The following MBD5 variants were observed in gnomAD, a reference collection of about 807,000 sequenced individuals.
The protein encoded by MBD5 is methyl-CpG-binding domain protein 5.
A neutral mutation model predicts 117.3 loss-of-function variants in MBD5; 13 were observed. The observed-to-expected ratio is 0.11, with a 90% confidence interval of 0.07 to 0.18. The LOEUF (loss-of-function observed/expected upper bound fraction) is 0.18, where lower values mean the gene tolerates loss of function less well. Ranked by LOEUF, MBD5 falls within the 10% of genes least tolerant of loss-of-function variation. The probability of loss-of-function intolerance (pLI) is 1.00; values close to 1 mark genes in which losing one functional copy is unlikely to be tolerated. For missense variants in MBD5, 1,879 were observed against 2,093.8 expected (o/e 0.90, Z 2.00); for synonymous variants, 727 against 766.4 (o/e 0.95, Z 0.85).
rs78934481 is a variant in MBD5, at chr2:148,057,105, A to C, written c.-925+35421A>C. 4.8e-3 allele frequency among the ~76,000 whole-genome samples: 735 copies of C among 151,878 alleles called. 5 individuals are homozygous for C. Among genetic ancestry groups the C allele is most frequent in the Non-Finnish European group, 8.2e-3 (559 of 67,786 alleles). Reference sequence around the variant, plus strand: ...TTTATTTATGCTTCTCTTGTTCTCGAATAACCCTGTAATAAGATTAGCAAT... The same window carrying C: ...TTTATTTATGCTTCTCTTGTTCTCGCATAACCCTGTAATAAGATTAGCAAT... On this transcript the variant is annotated intron_variant, in intron 1 of 13. Transcript: ENST00000642680.
At chr2:148,139,779 C>G (rs561821283) in intron 1 of MBD5, among the ~76,000 whole-genome samples, 7 of 152,142 alleles carry the variant, frequency 4.6e-5, no homozygotes, top group African/African-American at 1.4e-4. Flanking sequence ...CAGATGTACA[C>G]GTACTGGTGC....
At position 148,149,864 on chromosome 2, in the gene MBD5, C is replaced by T. The variant is rs1224428681; in HGVS notation, c.-924-28836C>T. ...AGCCCTTTGTCAGATGAGTAGGTTG[C>T]GAAAATTTTCTCCCATTTTGTAGGT... On this transcript the variant is annotated intron_variant, in intron 1 of 13. Coordinates refer to ENST00000642680, the MANE Select transcript of MBD5 (RefSeq NM_001378120.1). 4.3e-3 allele frequency among the ~76,000 whole-genome samples: 642 copies of T among 148,282 alleles called. 3 individuals are homozygous for T. Among genetic ancestry groups the T allele is most frequent in the African/African-American group, 0.015 (584 of 40,034 alleles).
intron 10 of MBD5, 136 bp downstream of exon 10, chr2:148,486,086 T>A: frequency 1.2e-6 from 1 of 818,512 alleles, no homozygotes; most frequent in South Asian, 1.5e-5. Context: ...CAGTCATGAG[T>A]ATTGTTAAAC....
intron 3 of MBD5, among the ~76,000 whole-genome samples, chr2:148,236,997 C>T (rs760827802): frequency 6.6e-6 from 1 of 152,204 alleles, no homozygotes; most frequent in South Asian, 2.1e-4. Context: ...TTTCCTTAAA[C>T]CTCATGAATC....
intron 2 of MBD5, among the ~76,000 whole-genome samples, chr2:148,201,439 T>C (rs969649831): frequency 2.0e-5 from 3 of 152,302 alleles, no homozygotes; most frequent in Non-Finnish European, 1.5e-5. Flanking sequence ...TTTAGTCCCA[T>C]TGTCTGCAGC....
chr2:148,033,379 A>G (rs912012070), intron 1 of MBD5, among the ~76,000 whole-genome samples: 4 of 152,200 alleles, frequency 2.6e-5, no homozygotes, highest in Non-Finnish European at 5.9e-5. Context: ...CTTAGTGTGC[A>G]TCACTTGGAG....
intron 1 of MBD5, among the ~76,000 whole-genome samples, chr2:148,047,314 A>C (rs1424101054): frequency 6.6e-6 from 1 of 152,238 alleles, no homozygotes; most frequent in Non-Finnish European, 1.5e-5. Context: ...GCCATAACTA[A>C]GACCATGACC....
chr2:148,275,190 C>A (rs932235016), intron 3 of MBD5, among the ~76,000 whole-genome samples: 1 of 152,044 alleles, frequency 6.6e-6, no homozygotes, highest in Admixed American at 6.5e-5. Context: ...TTCTAGGTCT[C>A]TTTTTTGACT....
intron 6 of MBD5, 116 bp downstream of exon 6, chr2:148,462,800 C>A (rs1217940112): frequency 1.4e-6 from 1 of 715,304 alleles, no homozygotes; most frequent in Non-Finnish European, 2.4e-6. Context: ...CATTTTAATT[C>A]TTTATCTAAT....
intron 4 of MBD5, among the ~76,000 whole-genome samples, chr2:148,441,052 C>A (rs540833927): frequency 1.3e-5 from 2 of 151,618 alleles, no homozygotes; most frequent in African/African-American, 2.4e-5. Context: ...ATTGGTCATG[C>A]CTCTTTCTAT....
chr2:148,175,985 T>C (rs1448475698), intron 1 of MBD5, among the ~76,000 whole-genome samples: 1 of 152,142 alleles, frequency 6.6e-6, no homozygotes, highest in Non-Finnish European at 1.5e-5. Flanking sequence ...TCTGGAAACT[T>C]GTATTTTTAA....
chr2:148,375,095 C>T (rs1703956953), intron 4 of MBD5, among the ~76,000 whole-genome samples: 1 of 152,104 alleles, frequency 6.6e-6, no homozygotes, highest in Non-Finnish European at 1.5e-5. Context: ...AAGTATAATA[C>T]AAGTCATCAA....
At chr2:148,351,261 C>T (rs1378241311) in intron 4 of MBD5, among the ~76,000 whole-genome samples, 1 of 151,986 alleles carries the variant, frequency 6.6e-6, no homozygotes, top group Non-Finnish European at 1.5e-5. Context: ...CTGGTATTCA[C>T]TTTTTCCACA....
chr2:148,421,582 C>T (rs1340664922), intron 4 of MBD5, among the ~76,000 whole-genome samples: 3 of 151,140 alleles, frequency 2.0e-5, no homozygotes, highest in Non-Finnish European at 4.4e-5. Context: ...TGAGACAGAA[C>T]ACATTCACTC....
chr2:148,071,537 A>T (rs947287105), intron 1 of MBD5: 1 of 152,190 alleles, frequency 6.6e-6, no homozygotes, highest in African/African-American at 2.4e-5. Context: ...CGCAGTCATT[A>T]AATTATAGAC....
chr2:148,262,945 T>C (rs1258698570), intron 3 of MBD5, among the ~76,000 whole-genome samples: 5 of 152,198 alleles, frequency 3.3e-5, no homozygotes, highest in Admixed American at 3.3e-4. Context: ...CTAATTGCAA[T>C]AAATATGCAA....
intron 1 of MBD5, among the ~76,000 whole-genome samples, chr2:148,030,820 A>G (rs1399996135): frequency 6.6e-6 from 1 of 152,216 alleles, no homozygotes; most frequent in African/African-American, 2.4e-5. Flanking sequence ...ATATATCCCT[A>G]GAATATCTTG....
chr2:148,288,602 T>A (rs992009003), intron 3 of MBD5, among the ~76,000 whole-genome samples: 2 of 151,750 alleles, frequency 1.3e-5, no homozygotes, highest in African/African-American at 4.8e-5. Context: ...TTATAATAGA[T>A]GCTCCAAAAA....
chr2:148,416,398 A>G (rs1164810746), intron 4 of MBD5, among the ~76,000 whole-genome samples: 1 of 152,118 alleles, frequency 6.6e-6, no homozygotes, highest in Non-Finnish European at 1.5e-5. Flanking sequence ...TAGCCAAAGC[A>G]GTTCATTAGG....
Sources: gnomAD v4.1 joint callset for allele counts (sites outside exome capture counted in the v4.1 genomes callset) on GRCh38, gnomAD v4.1.1 for gene constraint, MANE v1.5 for transcripts, NCBI Gene and HGNC (gene_info 2026-07-23, HGNC 2026-07-21) for gene names.